VRK2: variants seen among roughly 807,000 people sequenced by gnomAD.
The protein encoded by VRK2 is serine/threonine-protein kinase VRK2.
VRK2 carries 60 observed loss-of-function variants against 57.6 expected under a neutral mutation model. The ratio of observed to expected loss-of-function variants is 1.04; its 90% CI spans 0.85 to 1.29. The LOEUF is 1.29. Ranked by LOEUF, VRK2 falls within the 50% of genes most tolerant of loss-of-function variation. The probability of loss-of-function intolerance (pLI) is 0.00; values close to 1 mark genes in which losing one functional copy is unlikely to be tolerated. For synonymous variants in VRK2, 231 were observed against 199.2 expected (o/e 1.16, Z -1.35); for missense variants, 705 against 588.1 (o/e 1.20, Z -2.06).
upstream of VRK2, among the ~76,000 whole-genome samples, chr2:58,045,276 G>C (rs888906622): frequency 6.6e-6 from 1 of 152,150 alleles, no homozygotes; most frequent in African/African-American, 2.4e-5. Flanking sequence ...GATAGATGCT[G>C]GATGTATTTT....
chr2:58,089,710 A>G lies in VRK2; in HGVS notation c.530A>G (p.Lys177Arg). Residue 177 changes from lysine (K) to arginine (R), a missense_variant, in exon 7 of 13, where the codon AAA becomes AGA. Coordinates refer to ENST00000340157, the MANE Select transcript of VRK2 (RefSeq NM_006296.7). The stretch of plus-strand genomic sequence containing the variant: ...GCAGCAAATCTACTTTTGGGTTACA[A>G]AAATCCAGACCAGGTAAATACATAC... ...IKAANLLLGY[K>R]NPDQVYLADY... The G allele has an allele frequency of 6.2e-7, 1 of 1,607,422 alleles. No individual in the cohort carries two copies. Among genetic ancestry groups the G allele is most frequent in the East Asian group, 2.2e-5 (1 of 44,704 alleles).
At chr2:58,007,858 T>C (rs1457710314) in intron 1 of VRK2, among the ~76,000 whole-genome samples, 1 of 152,138 alleles carries the variant, frequency 6.6e-6, no homozygotes, top group Non-Finnish European at 1.5e-5. Context: ...TTTTCGTAAA[T>C]ACAACATTTC....
At chr2:58,106,883 T>G (rs1343771493) in intron 7 of VRK2, among the ~76,000 whole-genome samples, 1 of 152,100 alleles carries the variant, frequency 6.6e-6, no homozygotes, top group Non-Finnish European at 1.5e-5. Context: ...TCTGTTACTT[T>G]GTCTACATGG....
intron 1 of VRK2, among the ~76,000 whole-genome samples, chr2:58,015,752 T>C (rs538583446): frequency 4.6e-4 from 70 of 152,310 alleles, no homozygotes; most frequent in Non-Finnish European, 8.1e-4. Flanking sequence ...AGAAAAAATA[T>C]GGAGATGGTA....
intron 1 of VRK2, among the ~76,000 whole-genome samples, chr2:57,942,075 G>A (rs941261261): frequency 6.6e-6 from 1 of 152,162 alleles, no homozygotes; most frequent in African/African-American, 2.4e-5. Flanking sequence ...TTGCTGCCTG[G>A]CTTCAGCAGA....
intron 7 of VRK2, among the ~76,000 whole-genome samples, chr2:58,120,662 T>G (rs1354051649): frequency 6.6e-6 from 1 of 152,222 alleles, no homozygotes; most frequent in Non-Finnish European, 1.5e-5. Flanking sequence ...TGACGTCTCT[T>G]TTCTTAGAGC....
rs139264751 is a variant in VRK2 at position 57,949,910 on chromosome 2, T to C, written c.-439+42071T>C. ...GCCTTATTGCTGATAAGAAGAAAGT[T>C]TGAGTGGTCTGGATAGAAAATCAAA... On this transcript the variant is annotated intron_variant, in intron 1 of 15. Coordinates refer to the VRK2 transcript ENST00000417641. 6.6e-3 allele frequency among the ~76,000 whole-genome samples: 1,009 copies of C among 152,302 alleles called. 7 individuals carry two copies. The highest frequency in any genetic ancestry group is 0.021 in the Admixed American group (321 of 15,298).
chr2:57,984,885 C>T (rs1345112064), intron 1 of VRK2, among the ~76,000 whole-genome samples: 1 of 151,868 alleles, frequency 6.6e-6, no homozygotes, highest in Non-Finnish European at 1.5e-5. Flanking sequence ...AATAGCTTTC[C>T]TTTTAGCAAA....
intron 1 of VRK2, among the ~76,000 whole-genome samples, chr2:58,018,821 T>G (rs1172030729): frequency 1.3e-5 from 2 of 152,156 alleles, no homozygotes; most frequent in African/African-American, 2.4e-5. Context: ...ACAGGTTCTC[T>G]CTATTCTGCA....
intron 7 of VRK2, among the ~76,000 whole-genome samples, chr2:58,110,854 G>A (rs1298474291): frequency 2.6e-5 from 4 of 152,182 alleles, no homozygotes; most frequent in Non-Finnish European, 2.9e-5. Flanking sequence ...GGGAGCTCCA[G>A]AGCAAAGCTT....
intron 7 of VRK2, among the ~76,000 whole-genome samples, chr2:58,107,465 TTTTTAATAGTCATGAA>T (rs1164836262): frequency 1.3e-5 from 2 of 152,162 alleles, no homozygotes; most frequent in African/African-American, 4.8e-5. Context: ...TAGCTTGCCA[TTTTTAATAGTCATGAA>T]TAGTGACTTT....
chr2:58,061,174 G>C (rs1677276223), intron 2 of VRK2, among the ~76,000 whole-genome samples: 1 of 151,638 alleles, frequency 6.6e-6, no homozygotes, highest in Non-Finnish European at 1.5e-5. Flanking sequence ...GATGAACTGT[G>C]GTTCAGAATT....
At chr2:58,086,244 C>A in intron 4 of VRK2, 95 bp from the exon 5 acceptor site, 1 of 1,079,528 alleles carries the variant, frequency 9.3e-7, no homozygotes, top group Non-Finnish European at 1.4e-6. Flanking sequence ...GATCTAATTA[C>A]TTTTTTGGTT....
At chr2:58,108,761 T>A (rs1315220693) in intron 7 of VRK2, among the ~76,000 whole-genome samples, 1 of 152,218 alleles carries the variant, frequency 6.6e-6, no homozygotes, top group South Asian at 2.1e-4. Flanking sequence ...ATATGTTACC[T>A]CTAGGCCTGT....
At chr2:57,967,872 C>G (rs910261308) in intron 1 of VRK2, among the ~76,000 whole-genome samples, 1 of 152,006 alleles carries the variant, frequency 6.6e-6, no homozygotes, top group Non-Finnish European at 1.5e-5. Flanking sequence ...GATTGTTTCA[C>G]CACAGGGAGC....
chr2:58,101,621 C>G (rs942568055), intron 7 of VRK2, among the ~76,000 whole-genome samples: 1 of 151,584 alleles, frequency 6.6e-6, no homozygotes, highest in Non-Finnish European at 1.5e-5. Flanking sequence ...CTGTGCCACA[C>G]TTTCTCTTTC....
At chr2:58,157,624 CAGAAAT>C (rs1166318455) in intron 12 of VRK2, among the ~76,000 whole-genome samples, 5 of 152,174 alleles carry the variant, frequency 3.3e-5, no homozygotes, top group Admixed American at 2.0e-4. Context: ...TGGAGCTTCT[CAGAAAT>C]ACAGAATCTC....
At chr2:58,072,495 T>A (rs1669494234) in intron 2 of VRK2, among the ~76,000 whole-genome samples, 1 of 152,012 alleles carries the variant, frequency 6.6e-6, no homozygotes, top group Admixed American at 6.6e-5. Context: ...TTTTGCCAAA[T>A]GGTTTTGTTT....
chr2:58,131,250 G>T (rs1217240954), intron 8 of VRK2, among the ~76,000 whole-genome samples: 2 of 150,574 alleles, frequency 1.3e-5, no homozygotes, highest in Admixed American at 1.3e-4. Flanking sequence ...TCATGTGATT[G>T]AAAAATCTTC....
Sources: gnomAD v4.1 joint callset for allele counts (sites outside exome capture counted in the v4.1 genomes callset) on GRCh38, gnomAD v4.1.1 for gene constraint, MANE v1.5 for transcripts, NCBI Gene and HGNC (gene_info 2026-07-23, HGNC 2026-07-21) for gene names.